Variants in GPR155 observed in about 807,000 individuals in gnomAD.
The protein encoded by GPR155 is G protein-coupled receptor 155.
A neutral mutation model predicts 93.1 loss-of-function variants in GPR155; 65 were observed. The ratio of observed to expected loss-of-function variants is 0.70; its 90% CI spans 0.57 to 0.86. The LOEUF (loss-of-function observed/expected upper bound fraction) is 0.86, where lower values mean the gene tolerates loss of function less well. GPR155 is among the 40% of genes least tolerant of loss of function. The pLI is 0.00. For missense variants in GPR155, 838 were observed against 1,034.8 expected (o/e 0.81, Z 2.61); for synonymous variants, 319 against 360.1 (o/e 0.89, Z 1.29).
Position 174,436,154 on chromosome 2 carries a change from C to T in GPR155, c.2575G>A (p.Glu859Lys), listed in dbSNP as rs766810642. 1.7e-5 allele frequency: 27 copies of T among 1,613,774 alleles called. 1 individual carries two copies. The Middle Eastern group carries it at 2.6e-3, about 157-fold the overall frequency. The change falls in exon 16 of 16, where the codon GAG (glutamate) becomes AAG (lysine). Residue 859 changes from glutamate to lysine, a missense_variant. Physicochemically the swap from Glu to Lys is moderately conservative, Grantham distance 56 (BLOSUM62 1). Coordinates refer to ENST00000392552, the MANE Select transcript of GPR155 (RefSeq NM_152529.7). The stretch of plus-strand genomic sequence containing the variant: ...GAATGTGAGGGTGGGGATGAATGCT[C>T]AATTTCTTTATATCTTTCCTGTTGG... ...TLQQERYKEI[E>K]HSSPPSHSPK...
At position 174,460,023 on chromosome 2, in the gene GPR155, C is replaced by A. The variant is rs1476026381; in HGVS notation, c.1626G>T (p.Met542Ile). The A allele has an allele frequency of 6.2e-7, 1 of 1,613,896 alleles. No individual in the cohort carries two copies. The highest frequency in any genetic ancestry group is 1.1e-5 in the South Asian group (1 of 91,076). Residue 542 changes from methionine to isoleucine, a missense_variant, in exon 10 of 16, where the codon ATG becomes ATT. Transcript: ENST00000392552. ...ILIAGISLMC[M>I]NQTAQAGSYE... ...AGCTTCCTGCTTGGGCAGTCTGGTT[C>A]ATGCACATGAGGGATATGCCAGCTA...
chr2:174,482,484 G>A (rs576222634), intron 1 of GPR155, among the ~76,000 whole-genome samples: 5 of 152,290 alleles, frequency 3.3e-5, no homozygotes, highest in African/African-American at 9.6e-5. Flanking sequence ...TTTCCAGCCC[G>A]TGGTCATATT....
At position 174,436,214 on chromosome 2, in the gene GPR155, C is replaced by A. The variant is rs1265775701; in HGVS notation, c.2515G>T (p.Glu839Ter). 1 of 1,613,832 alleles carries A rather than the reference C, an allele frequency of 6.2e-7. No individual in the cohort carries two copies. Among genetic ancestry groups the A allele is most frequent in the African/African-American group, 1.3e-5 (1 of 75,038 alleles). ...GCATTAATAGCAGGAGGACTCTGTT[C>A]AGGACTCTTTTGAAGAAATCTGTAA... ...LFYRFLQKSPEQSPPAINANT... is the reference protein window; with the variant it reads ...LFYRFLQKSP Residue 839 changes from glutamate to a stop codon, truncating the protein, a stop_gained, in exon 16 of 16, where the codon GAA (glutamate) becomes TAA (stop). Coordinates refer to ENST00000392552, the MANE Select transcript of GPR155 (RefSeq NM_152529.7). LOFTEE classifies it high-confidence loss of function.
rs530109771 is a variant in GPR155, at chr2:174,481,882, C to A, written c.75G>T (p.Thr25=). Residue 25 remains threonine, a synonymous_variant, in exon 2 of 16, where the codon ACG becomes ACT. Coordinates refer to ENST00000392552, the MANE Select transcript of GPR155 (RefSeq NM_152529.7). ...GGTCATTAGTGGAATTAAATCCATGCGTTACTGCTGTAGGCAAAGTCTTGG... is the reference window on the plus strand; with the variant it reads ...GGTCATTAGTGGAATTAAATCCATGAGTTACTGCTGTAGGCAAAGTCTTGG... ...NMTKTLPTAV[T]HGFNSTNDPP... is the part of the protein sequence containing the mutation. The A allele has an allele frequency of 5.0e-6, 8 of 1,614,030 alleles. No homozygotes were observed. The Admixed American group carries it at 6.7e-5, about 13-fold the overall frequency.
chr2:174,437,368 A>G (rs1686816153), intron 15 of GPR155, among the ~76,000 whole-genome samples: 1 of 152,228 alleles, frequency 6.6e-6, no homozygotes, highest in Admixed American at 6.5e-5. Flanking sequence ...TAGAGTTTAT[A>G]TAAGAATTAG....
At chr2:174,475,294 CAAAAAAAAAAAAAAAAAAAAAAA>C (rs71024809) in intron 2 of GPR155, among the ~76,000 whole-genome samples, 1 of 64,334 alleles carries the variant, frequency 1.6e-5, no homozygotes, top group African/African-American at 7.2e-5. Context: ...GACTCCGTCT[CAAAAAAAAAAAAAAAAAAAAAAA>C]AAAAAAAAAT....
intron 12 of GPR155, among the ~76,000 whole-genome samples, chr2:174,446,031 G>T (rs1462942458): frequency 1.3e-5 from 2 of 151,840 alleles, no homozygotes; most frequent in Non-Finnish European, 2.9e-5. Context: ...TTTGGGCCTG[G>T]CGCAGTGGCT....
At chr2:174,461,034 C>T (rs904888487) in intron 9 of GPR155, among the ~76,000 whole-genome samples, 3 of 142,488 alleles carry the variant, frequency 2.1e-5, no homozygotes, top group East Asian at 1.9e-4. Context: ...TTCCTAGATA[C>T]GTTTTGTCCT....
At chr2:174,467,809 C>T (rs1224760474) in intron 5 of GPR155, among the ~76,000 whole-genome samples, 1 of 150,528 alleles carries the variant, frequency 6.6e-6, no homozygotes, top group Non-Finnish European at 1.5e-5. Flanking sequence ...GATCTCGGCT[C>T]ACTGAAACCT....
intron 4 of GPR155, among the ~76,000 whole-genome samples, chr2:174,470,018 C>T (rs1237028899): frequency 6.6e-6 from 1 of 152,210 alleles, no homozygotes; most frequent in Admixed American, 6.5e-5. Flanking sequence ...ACTACCACCA[C>T]ACCCAGCTAA....
At chr2:174,467,158 AAAAACAAAACAAAAC>A (rs554182725) in intron 5 of GPR155, among the ~76,000 whole-genome samples, 2 of 151,742 alleles carry the variant, frequency 1.3e-5, no homozygotes, top group African/African-American at 2.4e-5. Flanking sequence ...CTCCATCTCA[AAAAACAAAACAAAAC>A]AAAACAAAAC....
At chr2:174,448,535 T>G (rs545405392) in intron 11 of GPR155, among the ~76,000 whole-genome samples, 948 of 61,580 alleles carry the variant, frequency 0.015, 17 homozygotes, top group African/African-American at 0.039. Flanking sequence ...TTTTTGTTTT[T>G]TTTTTTTTTT....
intron 1 of GPR155, among the ~76,000 whole-genome samples, chr2:174,486,130 T>C (rs941766609): frequency 1.3e-5 from 2 of 152,192 alleles, no homozygotes; most frequent in Admixed American, 6.5e-5. Context: ...AGTGTGGTAC[T>C]ATTAGAGCAC....
At position 174,439,892 on chromosome 2, in the gene GPR155, G is replaced by A. The variant is rs1463726820; in HGVS notation, c.2312+6C>T. 3 of 1,610,362 alleles carry A rather than the reference G, an allele frequency of 1.9e-6. No homozygotes were observed. The highest frequency in any genetic ancestry group is 2.5e-6 in the Non-Finnish European group (3 of 1,177,396). ...TGTCTAGAACCTGTACTGGCACTTTGCTTACCTTCTTTCTTTGACAATGTT... is the reference window on the plus strand; with the variant it reads ...TGTCTAGAACCTGTACTGGCACTTTACTTACCTTCTTTCTTTGACAATGTT... On this transcript the variant is annotated splice_donor_region_variant and intron_variant, in intron 15 of 15. Coordinates refer to ENST00000392552, the MANE Select transcript of GPR155 (RefSeq NM_152529.7).
At chr2:174,486,693 T>C (rs1222801639) in intron 1 of GPR155, among the ~76,000 whole-genome samples, 180 bp downstream of exon 1, 2 of 151,990 alleles carry the variant, frequency 1.3e-5, no homozygotes, top group African/African-American at 2.4e-5. Flanking sequence ...ATCTCACACG[T>C]TCCACAGGCA....
chr2:174,481,936 T>C lies in GPR155; in HGVS notation c.21A>G (p.Ala7=), dbSNP rs773377097. ...TATTGACTGCAATGGTTAAGTTCTC[T>C]GCAGGTAAATTAGAATTCATTTTCT... MNSNLP[A]ENLTIAVNMT... is the part of the protein sequence containing the mutation. The change falls in exon 2 of 16, where the codon GCA becomes GCG. Residue 7 remains alanine (A), a synonymous_variant. Coordinates refer to ENST00000392552, the MANE Select transcript of GPR155 (RefSeq NM_152529.7). 17 of 1,609,896 alleles carry C rather than the reference T, an allele frequency of 1.1e-5. No homozygotes were observed. Among genetic ancestry groups the C allele is most frequent in the Non-Finnish European group, 1.1e-5 (13 of 1,176,726 alleles).
rs758444500 is a variant in GPR155 at position 174,473,278 on chromosome 2, T to C, written c.547A>G (p.Ile183Val). The C allele has an allele frequency of 3.7e-6, 6 of 1,610,242 alleles. No homozygotes were observed. In the South Asian group the frequency reaches 5.5e-5, roughly 15 times the overall value. ...APISLMMLNP[I>V]GFIFCEIQKW... ...TGGATTTCACAGAAAATAAACCCTA[T>C]AGGGTTTAACATCATAAGAGATATT... The change falls in exon 3 of 16, where the codon ATA (isoleucine) becomes GTA (valine). Residue 183 changes from isoleucine to valine, a missense_variant. Ile to Val is a conservative substitution (Grantham distance 29). Coordinates refer to ENST00000392552, the MANE Select transcript of GPR155 (RefSeq NM_152529.7).
intron 6 of GPR155, among the ~76,000 whole-genome samples, 172 bp from the exon 7 acceptor site, chr2:174,466,074 T>C (rs1687831131): frequency 6.6e-6 from 1 of 152,336 alleles, no homozygotes; most frequent in Non-Finnish European, 1.5e-5. Context: ...ACACTACTTA[T>C]ACTAAAACTT....
At chr2:174,440,385 G>T (rs956427539) in intron 14 of GPR155, among the ~76,000 whole-genome samples, 2 of 152,026 alleles carry the variant, frequency 1.3e-5, no homozygotes, top group African/African-American at 2.4e-5. Context: ...ATAAATTAGA[G>T]ATCAAATATT....
Sources: gnomAD v4.1 joint callset for allele counts (sites outside exome capture counted in the v4.1 genomes callset) on GRCh38, gnomAD v4.1.1 for gene constraint, MANE v1.5 for transcripts, NCBI Gene and HGNC (gene_info 2026-07-23, HGNC 2026-07-21) for gene names.